CACNA1A: variants seen among roughly 807,000 people sequenced by gnomAD.
The protein encoded by CACNA1A is voltage-dependent P/Q-type calcium channel subunit alpha-1A.
CACNA1A carries 57 observed loss-of-function variants against 262.4 expected under a neutral mutation model. That is an observed-to-expected ratio of 0.22 (90% CI 0.18 to 0.27). The LOEUF is 0.27. Ranked by LOEUF, CACNA1A falls within the 10% of genes least tolerant of loss-of-function variation. The probability of loss-of-function intolerance (pLI) is 1.00; values close to 1 mark genes in which losing one functional copy is unlikely to be tolerated. For missense variants in CACNA1A, 2,526 were observed against 3,562.8 expected (o/e 0.71, Z 7.41); for synonymous variants, 1,431 against 1,419.3 (o/e 1.01, Z -0.18).
intron 1 of CACNA1A, among the ~76,000 whole-genome samples, chr19:13,478,739 TAAAC>T (rs1005665190): frequency 6.6e-6 from 1 of 152,238 alleles, no homozygotes; most frequent in African/African-American, 2.4e-5. Context: ...GGTAAATGGA[TAAAC>T]AAACTGTGGT....
intron 5 of CACNA1A, chr19:13,363,109 G>A (rs1003720093): frequency 2.6e-5 from 4 of 151,934 alleles, no homozygotes; most frequent in Non-Finnish European, 4.4e-5. Flanking sequence ...CTCCTAAATC[G>A]AGGCTTCCTC....
chr19:13,440,128 T>TA, intron 3 of CACNA1A, among the ~76,000 whole-genome samples: 2 of 152,148 alleles, frequency 1.3e-5, no homozygotes, highest in Admixed American at 1.3e-4. Context: ...CCCAGCTAAT[T>TA]AAAAAATTTT....
intron 32 of CACNA1A, 36 bp downstream of exon 32, chr19:13,235,578 C>T: frequency 6.9e-7 from 1 of 1,444,312 alleles, no homozygotes; most frequent in Non-Finnish European, 9.7e-7. Context: ...CACCTGTCTT[C>T]TCAGCCCTGG....
intron 1 of CACNA1A, 132 bp from the exon 2 acceptor site, chr19:13,455,344 A>C: frequency 3.4e-6 from 2 of 580,192 alleles, no homozygotes; most frequent in East Asian, 5.6e-5. Context: ...AGGTGGAATT[A>C]TTCGTTCTCC....
intron 5 of CACNA1A, chr19:13,364,005 T>C (rs1166271196): frequency 1.3e-5 from 2 of 152,184 alleles, no homozygotes; most frequent in African/African-American, 4.8e-5. Flanking sequence ...TGAGTGTGGA[T>C]CGTGGTGGAC....
At chr19:13,284,225 TAAC>T (rs1363550056) in intron 21 of CACNA1A, 3 of 152,140 alleles carry the variant, frequency 2.0e-5, no homozygotes, top group East Asian at 1.9e-4. Context: ...CTAAGCATAG[TAAC>T]AACCTCAGAG....
At chr19:13,485,605 A>G (rs1979877005) in intron 1 of CACNA1A, among the ~76,000 whole-genome samples, 1 of 152,244 alleles carries the variant, frequency 6.6e-6, no homozygotes. Flanking sequence ...TTGAATAGTC[A>G]ATAAATATTT....
At chr19:13,304,405 G>C (rs927478408) in intron 15 of CACNA1A, among the ~76,000 whole-genome samples, 1 of 151,766 alleles carries the variant, frequency 6.6e-6, no homozygotes, top group Admixed American at 6.6e-5. Flanking sequence ...AAGGTGGGAG[G>C]ATCACTTGAG....
chr19:13,297,896 A>C (rs146200542), intron 19 of CACNA1A, among the ~76,000 whole-genome samples: 1 of 149,936 alleles, frequency 6.7e-6, no homozygotes, highest in East Asian at 2.0e-4. Context: ...GCACGATCTC[A>C]GCTCACTGCA....
intron 3 of CACNA1A, among the ~76,000 whole-genome samples, chr19:13,409,898 A>G (rs2060079356): frequency 6.6e-6 from 1 of 152,160 alleles, no homozygotes; most frequent in Non-Finnish European, 1.5e-5. Context: ...ATAAATTAGA[A>G]CTTGTTGTTT....
chr19:13,279,677 G>A (rs2144852272), intron 22 of CACNA1A, among the ~76,000 whole-genome samples: 1 of 152,128 alleles, frequency 6.6e-6, no homozygotes, highest in South Asian at 2.1e-4. Flanking sequence ...TAGAGACCAG[G>A]TTTTACCATA....
chr19:13,282,383 G>A (rs10425612), intron 22 of CACNA1A, among the ~76,000 whole-genome samples: 15,835 of 152,042 alleles, frequency 0.1, 1,382 homozygotes, highest in African/African-American at 0.24. Flanking sequence ...CCCTCTACCA[G>A]GCCCTGGGGT....
chr19:13,304,799 C>T (rs1043941802), intron 15 of CACNA1A, among the ~76,000 whole-genome samples: 2 of 152,126 alleles, frequency 1.3e-5, no homozygotes, highest in African/African-American at 4.8e-5. Flanking sequence ...ACCCTGCTAA[C>T]ACTTTGATCT....
At chr19:13,245,051 G>T in intron 31 of CACNA1A, 131 bp downstream of exon 31, 2 of 762,458 alleles carry the variant, frequency 2.6e-6, no homozygotes, top group Non-Finnish European at 4.4e-6. Context: ...TCCCTCTCTG[G>T]TCATGGCCAA....
chr19:13,261,922 G>C (rs1361564478), intron 25 of CACNA1A: 1 of 253,348 alleles, frequency 3.9e-6, no homozygotes, highest in Non-Finnish European at 7.7e-6. Flanking sequence ...CAATCCTTTT[G>C]AGTGAAGGAG....
rs747802304 is a variant in CACNA1A, at chr19:13,286,928, T to C, written c.3128A>G (p.Asn1043Ser). 4.3e-6 allele frequency: 7 copies of C among 1,610,714 alleles called. No homozygotes were observed. The highest frequency in any genetic ancestry group is 1.1e-5 in the South Asian group (1 of 90,982). The change falls in exon 20 of 47, where the codon AAC becomes AGC. Residue 1043 changes from asparagine (N) to serine (S), a missense_variant. This residue lies in a region of CACNA1A where 765 missense variants were observed against 748.6 expected (regional missense o/e 1.02). Transcript: ENST00000360228. ...QGSGVPVSGPNLSTTRPIQQD... is the reference protein window; with the variant it reads ...QGSGVPVSGPSLSTTRPIQQD... ...CTGGATTGGCCGGGTGGTTGACAGG[T>C]TGGGGCCCGACACAGGGACCCCGGA...
At chr19:13,223,839 G>A (rs1036054867) in intron 38 of CACNA1A, among the ~76,000 whole-genome samples, 2 of 152,058 alleles carry the variant, frequency 1.3e-5, no homozygotes, top group African/African-American at 4.8e-5. Flanking sequence ...CTGCTTGGAC[G>A]GGTCTCTGGC....
intron 3 of CACNA1A, among the ~76,000 whole-genome samples, chr19:13,386,878 A>G (rs1371372606): frequency 6.6e-6 from 1 of 152,138 alleles, no homozygotes; most frequent in Non-Finnish European, 1.5e-5. Flanking sequence ...ACGATGTTAG[A>G]GTGGAAAGAT....
intron 38 of CACNA1A, 32 bp downstream of exon 38, chr19:13,224,635 C>A: frequency 6.7e-7 from 1 of 1,486,288 alleles, no homozygotes; most frequent in South Asian, 1.2e-5. Context: ...CCCTGTCACG[C>A]CTGTCTGTGC....
Sources: gnomAD v4.1 joint callset for allele counts (sites outside exome capture counted in the v4.1 genomes callset) on GRCh38, gnomAD v4.1.1 for gene constraint, gnomAD v4.1.1 regional missense constraint, MANE v1.5 for transcripts, NCBI Gene and HGNC (gene_info 2026-07-23, HGNC 2026-07-21) for gene names.